EPS15: variants seen among roughly 807,000 people sequenced by gnomAD.
EPS15 encodes epidermal growth factor receptor substrate 15.
A neutral mutation model predicts 113.8 loss-of-function variants in EPS15; 72 were observed. That is an observed-to-expected ratio of 0.63 (90% CI 0.52 to 0.77). The LOEUF is 0.77. Ranked by LOEUF, EPS15 falls within the 30% of genes least tolerant of loss-of-function variation. The probability of loss-of-function intolerance (pLI) is 0.00; values close to 1 mark genes in which losing one functional copy is unlikely to be tolerated. For synonymous variants in EPS15, 344 were observed against 363.4 expected (o/e 0.95, Z 0.61); for missense variants, 1,048 against 1,045.8 (o/e 1.00, Z -0.03).
intron 18 of EPS15, 145 bp from the exon 19 acceptor site, chr1:51,401,098 TG>T: frequency 1.9e-6 from 1 of 540,200 alleles, no homozygotes; most frequent in Non-Finnish European, 3.3e-6. Context: ...GGAATGTCAT[TG>T]ACCTTATGAA....
At chr1:51,372,458 T>C in intron 21 of EPS15, 1 of 533,906 alleles carries the variant, frequency 1.9e-6, no homozygotes, top group Non-Finnish European at 3.8e-6. Context: ...ACAAAAATCA[T>C]TCTGTCTGGT....
rs148663158 is a variant in EPS15 at position 51,364,013 on chromosome 1, G to C, written c.2212C>G (p.Pro738Ala). The C allele has an allele frequency of 1.7e-5, 27 of 1,611,966 alleles. No individual in the cohort carries two copies. In the African/African-American group the frequency reaches 2.5e-4, roughly 15 times the overall value. The change falls in exon 23 of 25, where the codon CCT (proline) becomes GCT (alanine). Residue 738 changes from proline to alanine, a missense_variant. Transcript: ENST00000371733. The part of the protein sequence containing the change: ...STLSKVNNED[P>A]FRSATSSSVS... ...GAGCTCGATGTGGCTGAACGAAAAG[G>C]ATCTTCATTGTTGACCTTTGTTTAA...
chr1:51,488,492 A>C (rs1029331001), intron 1 of EPS15, among the ~76,000 whole-genome samples: 2 of 151,282 alleles, frequency 1.3e-5, no homozygotes, highest in Non-Finnish European at 3.0e-5. Context: ...AAAAAAAAAA[A>C]AAAACTCAGA....
chr1:51,518,223 G>C (rs972058486), intron 1 of EPS15: 1 of 152,426 alleles, frequency 6.6e-6, no homozygotes, highest in Non-Finnish European at 1.5e-5. Flanking sequence ...CTTCTTTACA[G>C]AGAGGGAGGG....
At chr1:51,402,239 C>G (rs781344904) in intron 18 of EPS15, among the ~76,000 whole-genome samples, 196 bp downstream of exon 18, 9 of 151,910 alleles carry the variant, frequency 5.9e-5, no homozygotes, top group Middle Eastern at 3.2e-3. Context: ...CTCAGCTACT[C>G]AAGAGGCTGA....
rs907173180 is a variant in EPS15 at position 51,364,083 on chromosome 1, C to T, written c.2197-55G>A. Reference sequence around the variant, plus strand: ...GCTATACCAAGCAAATTGTGGTAGTCATGTAGCATTCAGAATAATGATTTC... The same window carrying T: ...GCTATACCAAGCAAATTGTGGTAGTTATGTAGCATTCAGAATAATGATTTC... On this transcript the variant is annotated intron_variant, in intron 22 of 24. Coordinates refer to ENST00000371733, the MANE Select transcript of EPS15 (RefSeq NM_001981.3). 9.2e-6 allele frequency: 12 copies of T among 1,309,310 alleles called. No individual in the cohort carries two copies. In the African/African-American group the frequency reaches 1.5e-4, roughly 16 times the overall value. 81.1% of individuals were successfully genotyped at this position (1,309,310 alleles called of 1,614,324 possible).
At chr1:51,470,584 T>C (rs1173350333) in intron 4 of EPS15, among the ~76,000 whole-genome samples, 4 of 146,294 alleles carry the variant, frequency 2.7e-5, no homozygotes, top group Non-Finnish European at 4.5e-5. Flanking sequence ...GAGGCAGAGG[T>C]TGCAGTGAGC....
At chr1:51,427,915 A>G (rs1003223109) in intron 12 of EPS15, among the ~76,000 whole-genome samples, 3 of 152,234 alleles carry the variant, frequency 2.0e-5, no homozygotes, top group African/African-American at 7.2e-5. Context: ...GGATAAACAC[A>G]AAAAGACTCA....
chr1:51,484,446 A>G (rs1472632570), intron 1 of EPS15, among the ~76,000 whole-genome samples: 3 of 152,104 alleles, frequency 2.0e-5, no homozygotes, highest in Non-Finnish European at 4.4e-5. Context: ...TTAAATTTTA[A>G]AAAAACTATT....
chr1:51,403,374 T>C, intron 17 of EPS15, 45 bp downstream of exon 17: 1 of 1,040,364 alleles, frequency 9.6e-7, no homozygotes. Flanking sequence ...CTCCTGTCCT[T>C]CCACCCTTAC....
Position 51,444,937 on chromosome 1 carries a change from A to C in EPS15, c.906T>G (p.Val302=), listed in dbSNP as rs112431520. The change falls in exon 11 of 25, where the codon GTT becomes GTG. Residue 302 remains valine (V), a synonymous_variant. Coordinates refer to ENST00000371733, the MANE Select transcript of EPS15 (RefSeq NM_001981.3). ...KLIKGIDPPH[V]LTPEMIPPSD... ...ATGGTGGAATCATTTCAGGAGTAAG[A>C]ACGTGAGGAGGATCAATGCCCTTGA... The C allele has an allele frequency of 6.2e-7, 1 of 1,613,872 alleles. No homozygotes were observed. The highest frequency in any genetic ancestry group is 1.7e-5 in the Admixed American group (1 of 59,990).
chr1:51,372,810 G>T lies in EPS15; in HGVS notation c.2120-6781C>A, dbSNP rs1449644424. On this transcript the variant is annotated intron_variant, in intron 21 of 24. Transcript: ENST00000371733. ...ACAAGACATCAAAGATGCTACAGTGGACAGTCTTTACCAGCTGATCACAAA... is the reference window on the plus strand; with the variant it reads ...ACAAGACATCAAAGATGCTACAGTGTACAGTCTTTACCAGCTGATCACAAA... 6.6e-6 allele frequency: 3 copies of T among 455,980 alleles called. No homozygotes were observed. The Admixed American group carries it at 1.0e-4, about 15-fold the overall frequency. 28.2% of individuals were successfully genotyped at this position (455,980 alleles called of 1,614,324 possible).
Position 51,361,257 on chromosome 1 carries a change from G to T in EPS15, c.2458C>A (p.Pro820Thr), listed in dbSNP as rs778896057. ...PGNDSPKEKD[P>T]EIFCDPFTSA... ...GTGAATGGATCACAAAATATTTCAG[G>T]ATCTTTTTCTTTGGGGCTATCGTTG... The change falls in exon 24 of 25, where the codon CCT (proline) becomes ACT (threonine). Residue 820 changes from proline (P) to threonine (T), a missense_variant. Coordinates refer to ENST00000371733, the MANE Select transcript of EPS15 (RefSeq NM_001981.3). 3.1e-6 allele frequency: 5 copies of T among 1,613,770 alleles called. No individual in the cohort carries two copies. Among genetic ancestry groups the T allele is most frequent in the Non-Finnish European group, 4.2e-6 (5 of 1,179,726 alleles).
chr1:51,463,826 AAAT>A, intron 6 of EPS15, 28 bp from the exon 7 acceptor site: 1 of 1,456,878 alleles, frequency 6.9e-7, no homozygotes, highest in Middle Eastern at 1.8e-4. Flanking sequence ...ATCACAAGTT[AAAT>A]AATAAGAGAA....
chr1:51,502,158 C>T (rs934862109), intron 1 of EPS15, among the ~76,000 whole-genome samples: 5 of 152,106 alleles, frequency 3.3e-5, no homozygotes, highest in Non-Finnish European at 7.4e-5. Flanking sequence ...GCCCCAGTTA[C>T]TTGGGAGGCT....
Position 51,499,393 on chromosome 1 carries a change from T to C in EPS15, c.34-18079A>G, listed in dbSNP as rs542110370. Among the ~76,000 whole-genome samples, 6 of 152,338 alleles carry C rather than the reference T, an allele frequency of 3.9e-5. No homozygotes were observed. In the South Asian group the frequency reaches 1.2e-3, roughly 32 times the overall value. On this transcript the variant is annotated intron_variant, in intron 1 of 24. Transcript: ENST00000371733. Reference sequence around the variant, plus strand: ...TAGCTCTTCACGGACACTTGGGTTATTTCTACCTTTTAATTCTTGTGAATA... The same window carrying C: ...TAGCTCTTCACGGACACTTGGGTTACTTCTACCTTTTAATTCTTGTGAATA...
At chr1:51,478,069 T>C (rs2148518920) in intron 2 of EPS15, among the ~76,000 whole-genome samples, 1 of 152,304 alleles carries the variant, frequency 6.6e-6, no homozygotes, top group African/African-American at 2.4e-5. Flanking sequence ...AAGTCTCCCA[T>C]TATTACTGTG....
chr1:51,366,130 C>A, intron 21 of EPS15, 101 bp from the exon 22 acceptor site: 1 of 714,068 alleles, frequency 1.4e-6, no homozygotes, highest in Non-Finnish European at 2.3e-6. Flanking sequence ...AGCAGTGGTA[C>A]GATCATGGCT....
chr1:51,465,605 C>T (rs996518490), intron 5 of EPS15, among the ~76,000 whole-genome samples: 1 of 152,058 alleles, frequency 6.6e-6, no homozygotes, highest in Admixed American at 6.5e-5. Flanking sequence ...ATGATTTCGG[C>T]TCACTGCAAC....
Sources: allele counts gnomAD v4.1 joint callset (sites outside exome capture counted in the v4.1 genomes callset), GRCh38; gene constraint gnomAD v4.1.1; transcripts MANE v1.5; gene names NCBI Gene and HGNC (gene_info 2026-07-23, HGNC 2026-07-21).